Variants in MOSPD2 observed in about 807,000 individuals in gnomAD.
The protein encoded by MOSPD2 is motile sperm domain-containing protein 2.
MOSPD2 carries 5 observed loss-of-function variants against 41.7 expected under a neutral mutation model. The observed-to-expected ratio is 0.12, with a 90% CI of 0.06 to 0.25. The LOEUF (loss-of-function observed/expected upper bound fraction) is 0.25. Among genes scored for constraint, MOSPD2 ranks in the 10% least tolerant of loss-of-function variants. The pLI is 1.00. For missense variants in MOSPD2, 282 were observed against 375.2 expected (o/e 0.75, Z 2.05); for synonymous variants, 115 against 126.9 (o/e 0.91, Z 0.63).
Position 14,908,862 on chromosome X carries a change from G to C in MOSPD2, c.580G>C (p.Ala194Pro). Residue 194 changes from alanine to proline, a missense_variant and splice_region_variant, in exon 8 of 15, where the codon GCT becomes CCT. Ala to Pro is a conservative substitution (Grantham distance 27). Around this residue, in one of 3 missense-constraint regions of MOSPD2, gnomAD observed 187 missense variants for 256.6 expected, o/e 0.73. Coordinates refer to ENST00000380492, the MANE Select transcript of MOSPD2 (RefSeq NM_152581.4). ...TGAAGTGACTGGTTTTTCTTCAGCT[G>C]CTTTCAAAATTGTGAAAACCTGGCT... ...IFDMPWLMNA[A>P]FKIVKTWLGP... The C allele has an allele frequency of 8.5e-7, 1 of 1,181,055 alleles. No homozygotes were observed.
chrX:14,909,248 C>T (rs918635641), intron 8 of MOSPD2, among the ~76,000 whole-genome samples: 2 of 111,094 alleles, frequency 1.8e-5, no homozygotes, highest in Non-Finnish European at 3.8e-5. Flanking sequence ...AAAATATCAC[C>T]TCCTACTTCT....
At chrX:14,875,394 G>A (rs1021310107) in intron 2 of MOSPD2, among the ~76,000 whole-genome samples, 1 of 111,668 alleles carries the variant, frequency 9.0e-6, no homozygotes, top group African/African-American at 3.3e-5. Flanking sequence ...GCCCCCACCC[G>A]CCATCCTCAT....
intron 3 of MOSPD2, among the ~76,000 whole-genome samples, chrX:14,893,862 A>G (rs184576011): frequency 2.7e-4 from 30 of 113,056 alleles, no homozygotes; most frequent in African/African-American, 9.6e-4. Flanking sequence ...CTGAATAAAT[A>G]TTTAAACTCA....
chrX:14,875,274 C>CTA (rs765637868), intron 2 of MOSPD2, among the ~76,000 whole-genome samples: 2 of 112,255 alleles, frequency 1.8e-5, no homozygotes, highest in Non-Finnish European at 3.8e-5. Context: ...TAGATCATGT[C>CTA]ACTCTCCAGC....
At chrX:14,905,682 C>A (rs1479904395) in intron 7 of MOSPD2, among the ~76,000 whole-genome samples, 1 of 110,191 alleles carries the variant, frequency 9.1e-6, no homozygotes, top group Non-Finnish European at 1.9e-5. Context: ...TTAGTAGACA[C>A]AAGGTTTCAC....
rs370606562 is a variant in MOSPD2, at chrX:14,889,644, C to G, written c.80-3079C>G. Among the ~76,000 whole-genome samples the G allele has an allele frequency of 5.3e-4, 59 of 110,512 alleles. No individual in the cohort carries two copies. In the South Asian group the frequency reaches 0.023, roughly 43 times the overall value. ...CCTAGCTGTCAAATCTTTGTCTTCT[C>G]TTTTCTTTCCCCTACTCTGATTTCA... On this transcript the variant is annotated intron_variant, in intron 2 of 14. Coordinates refer to ENST00000380492, the MANE Select transcript of MOSPD2 (RefSeq NM_152581.4).
intron 10 of MOSPD2, among the ~76,000 whole-genome samples, chrX:14,913,574 T>C (rs1447055629): frequency 8.9e-6 from 1 of 111,834 alleles, no homozygotes; most frequent in African/African-American, 3.3e-5. Context: ...CCAGCAACCA[T>C]GCAAATTTAC....
chrX:14,908,532 T>C (rs2092586185), intron 7 of MOSPD2, among the ~76,000 whole-genome samples: 1 of 111,713 alleles, frequency 9.0e-6, no homozygotes, highest in African/African-American at 3.3e-5. Context: ...CTGAATCATA[T>C]TGCTGTTTGA....
intron 12 of MOSPD2, 109 bp downstream of exon 12, chrX:14,915,873 G>A (rs1222448679): frequency 1.4e-6 from 1 of 712,841 alleles, no homozygotes; most frequent in East Asian, 3.3e-5. Flanking sequence ...CTAGAAATTA[G>A]CAGAGTATCA....
chrX:14,907,207 A>G (rs1369526575), intron 7 of MOSPD2, among the ~76,000 whole-genome samples: 1 of 112,460 alleles, frequency 8.9e-6, no homozygotes, highest in Non-Finnish European at 1.9e-5. Flanking sequence ...AGAATAAAAA[A>G]GACATAATAA....
chrX:14,907,670 T>C (rs2092584548), intron 7 of MOSPD2, among the ~76,000 whole-genome samples: 1 of 111,294 alleles, frequency 9.0e-6, no homozygotes, highest in Non-Finnish European at 1.9e-5. Context: ...AGACAGAAAA[T>C]AGATTAGTAG....
In MOSPD2 at chrX:14,895,323, C is replaced by T; in HGVS notation, c.251C>T (p.Ser84Phe). The T allele has an allele frequency of 1.1e-5, 13 of 1,166,463 alleles. No homozygotes were observed. The highest frequency in any genetic ancestry group is 1.5e-5 in the Non-Finnish European group (13 of 856,816). Reference protein sequence around the residue: ...EISVNDLNESSIPRWLLEIGV... With the variant: ...EISVNDLNESFIPRWLLEIGV... Reference sequence around the variant, plus strand: ...CACTTTTTAGACCTTAATGAATCCTCCATTCCCAGATGGTTATTGGAAATT... The same window carrying T: ...CACTTTTTAGACCTTAATGAATCCTTCATTCCCAGATGGTTATTGGAAATT... Residue 84 changes from serine to phenylalanine, a missense_variant, in exon 4 of 15, where the codon TCC becomes TTC. Physicochemically the swap from Ser to Phe is radical, Grantham distance 155 (BLOSUM62 -2). Around this residue, in one of 3 missense-constraint regions of MOSPD2, gnomAD observed 187 missense variants for 256.6 expected, o/e 0.73. Transcript: ENST00000380492.
intron 2 of MOSPD2, among the ~76,000 whole-genome samples, chrX:14,890,502 T>C (rs1211315014): frequency 9.0e-6 from 1 of 111,709 alleles, no homozygotes; most frequent in Non-Finnish European, 1.9e-5. Context: ...TTTTATAGAT[T>C]AGAAAAATAC....
At chrX:14,875,100 G>A (rs1048401877) in intron 2 of MOSPD2, among the ~76,000 whole-genome samples, 5 of 111,950 alleles carry the variant, frequency 4.5e-5, no homozygotes, top group Non-Finnish European at 9.4e-5. Context: ...GATCTTAAAG[G>A]TCATCTTGGG....
chrX:14,910,931 TACACACAC>T (rs35768433), intron 8 of MOSPD2, among the ~76,000 whole-genome samples: 4 of 100,639 alleles, frequency 4.0e-5, no homozygotes, highest in East Asian at 3.0e-4. Flanking sequence ...TCTTTAAAAA[TACACACAC>T]ACACACACAC....
chrX:14,882,317 T>A (rs1263152291), intron 2 of MOSPD2, among the ~76,000 whole-genome samples: 4 of 110,839 alleles, frequency 3.6e-5, no homozygotes, highest in Middle Eastern at 4.6e-3. Context: ...GTGAATAGAA[T>A]GTCAGTTACC....
intron 2 of MOSPD2, among the ~76,000 whole-genome samples, chrX:14,882,068 G>A (rs1449188825): frequency 1.8e-5 from 2 of 110,380 alleles, no homozygotes; most frequent in African/African-American, 3.3e-5. Flanking sequence ...TGTAAATGAC[G>A]AGTTAATGGG....
intron 2 of MOSPD2, among the ~76,000 whole-genome samples, chrX:14,886,690 A>G (rs1019433991): frequency 8.1e-5 from 9 of 111,651 alleles, no homozygotes; most frequent in African/African-American, 2.9e-4. Context: ...ACAGTTCTCA[A>G]AGTGTGGTCC....
rs964508541 is a variant in MOSPD2, at chrX:14,919,957, G to A, written c.*148G>A. ...AGCACGTGGAGGGGAACACATACATGTCTTGAAAATAAACTGCTAGAATAA... is the reference window on the plus strand; with the variant it reads ...AGCACGTGGAGGGGAACACATACATATCTTGAAAATAAACTGCTAGAATAA... On this transcript the variant is annotated 3_prime_UTR_variant, in exon 15 of 15. Transcript: ENST00000380492. 2.9e-6 allele frequency: 3 copies of A among 1,029,425 alleles called. No homozygotes were observed. The highest frequency in any genetic ancestry group is 3.9e-5 in the African/African-American group (2 of 51,767). The allele number at this position is 1,029,425 out of a possible 1,213,427, so 84.8% of individuals were successfully genotyped here. A position where few individuals can be genotyped will look rare whatever the true frequency, so the allele number is the denominator to read the frequency against.
Sources: gnomAD v4.1 joint callset for allele counts (sites outside exome capture counted in the v4.1 genomes callset) on GRCh38, gnomAD v4.1.1 for gene constraint, gnomAD v4.1.1 regional missense constraint, MANE v1.5 for transcripts, NCBI Gene and HGNC (gene_info 2026-07-23, HGNC 2026-07-21) for gene names.